Variants in NTM observed in about 807,000 individuals in gnomAD.
The protein encoded by NTM is IgLON family member 2.
In NTM, 13 loss-of-function variants were observed where a neutral mutation model predicts 42.1. The ratio of observed to expected loss-of-function variants is 0.31; its 90% CI spans 0.20 to 0.49. The LOEUF (loss-of-function observed/expected upper bound fraction) is 0.49, where lower values mean the gene tolerates loss of function less well. Among genes scored for constraint, NTM ranks in the 20% least tolerant of loss-of-function variants. The pLI is 0.99. For missense variants in NTM, 373 were observed against 452.8 expected (o/e 0.82, Z 1.60); for synonymous variants, 187 against 179.2 (o/e 1.04, Z -0.35).
intron 1 of NTM, among the ~76,000 whole-genome samples, chr11:131,865,496 TTGATAGC>T (rs1487685482): frequency 2.6e-5 from 4 of 152,218 alleles, no homozygotes; most frequent in African/African-American, 9.6e-5. Context: ...TGCTCTGCAC[TTGATAGC>T]TGGTTTAAAA....
At chr11:131,649,606 G>A (rs2066211211) in intron 1 of NTM, among the ~76,000 whole-genome samples, 1 of 152,146 alleles carries the variant, frequency 6.6e-6, no homozygotes, top group Admixed American at 6.5e-5. Context: ...TAAGGTCAAG[G>A]AGTTAATCGC....
intron 2 of NTM, among the ~76,000 whole-genome samples, chr11:131,945,036 C>T (rs993481006): frequency 1.3e-5 from 2 of 152,164 alleles, no homozygotes; most frequent in Admixed American, 6.5e-5. Context: ...GGTGTGTAGT[C>T]AGATTTCATT....
At position 131,612,824 on chromosome 11, in the gene NTM, A is replaced by G. The variant is rs533338654; in HGVS notation, c.82+241936A>G. On this transcript the variant is annotated intron_variant, in intron 1 of 8. Transcript: ENST00000683400. ...AGCCTCTCTGGCTGAGTCTCTGGGC[A>G]CTGAACAGCAGGAAGCCTGTCCCCA... 3.0e-4 allele frequency among the ~76,000 whole-genome samples: 46 copies of G among 152,314 alleles called. 1 individual carries two copies. The highest frequency in any genetic ancestry group is 1.1e-3 in the African/African-American group (45 of 41,566).
At chr11:132,171,514 G>A (rs1454304637) in intron 3 of NTM, among the ~76,000 whole-genome samples, 1 of 152,062 alleles carries the variant, frequency 6.6e-6, no homozygotes, top group Non-Finnish European at 1.5e-5. Flanking sequence ...ACACTAATCC[G>A]ATTCATCAAA....
intron 1 of NTM, among the ~76,000 whole-genome samples, chr11:131,481,017 G>T (rs1205976549): frequency 2.6e-5 from 4 of 152,176 alleles, no homozygotes; most frequent in Non-Finnish European, 5.9e-5. Context: ...GAGGGTGGTA[G>T]AAGTGTATTT....
chr11:131,977,554 G>T (rs2064592415), intron 2 of NTM, among the ~76,000 whole-genome samples: 1 of 152,194 alleles, frequency 6.6e-6, no homozygotes, highest in African/African-American at 2.4e-5. Flanking sequence ...TTAAGGTCTT[G>T]CCAGCTCATT....
chr11:132,013,891 G>A (rs1176524449), intron 2 of NTM, among the ~76,000 whole-genome samples: 3 of 152,154 alleles, frequency 2.0e-5, no homozygotes, highest in East Asian at 3.9e-4. Flanking sequence ...AGAACATTTC[G>A]AGTGGTATCT....
intron 2 of NTM, among the ~76,000 whole-genome samples, chr11:132,045,550 C>A (rs896764039): frequency 6.6e-6 from 1 of 152,168 alleles, no homozygotes; most frequent in Non-Finnish European, 1.5e-5. Flanking sequence ...TTTTCAGACA[C>A]AATATGAATG....
intron 1 of NTM, among the ~76,000 whole-genome samples, chr11:131,749,431 T>A (rs2082206788): frequency 1.3e-5 from 2 of 152,234 alleles, no homozygotes. Context: ...GAAGAATGCA[T>A]GTCATTATGA....
chr11:131,580,521 C>A (rs984782646), intron 1 of NTM, among the ~76,000 whole-genome samples: 1 of 152,070 alleles, frequency 6.6e-6, no homozygotes, highest in Non-Finnish European at 1.5e-5. Context: ...CACACACTCT[C>A]CAGGATTTAG....
chr11:132,279,181 T>C (rs2093865273), intron 4 of NTM, among the ~76,000 whole-genome samples: 1 of 152,202 alleles, frequency 6.6e-6, no homozygotes, highest in Non-Finnish European at 1.5e-5. Context: ...ATCTTTTCAA[T>C]TAATATCCAA....
At chr11:131,741,701 T>C (rs1031694713) in intron 1 of NTM, among the ~76,000 whole-genome samples, 2 of 152,200 alleles carry the variant, frequency 1.3e-5, no homozygotes, top group Non-Finnish European at 2.9e-5. Context: ...AAGGATGGCC[T>C]ATATTTTTAC....
intron 2 of NTM, among the ~76,000 whole-genome samples, chr11:132,031,385 G>C (rs1372649663): frequency 6.6e-6 from 1 of 152,210 alleles, no homozygotes; most frequent in Admixed American, 6.5e-5. Flanking sequence ...AAGAAGACCA[G>C]TAAGGAGACT....
chr11:132,148,305 A>G (rs1366543392), intron 3 of NTM, among the ~76,000 whole-genome samples: 1 of 152,094 alleles, frequency 6.6e-6, no homozygotes. Flanking sequence ...TTAATGTAAA[A>G]TACATTTTTT....
At chr11:131,604,757 C>T (rs1315179866) in intron 1 of NTM, among the ~76,000 whole-genome samples, 5 of 150,412 alleles carry the variant, frequency 3.3e-5, no homozygotes, top group Non-Finnish European at 7.4e-5. Context: ...AATCCCACTT[C>T]TTTCCTTTGT....
intron 2 of NTM, among the ~76,000 whole-genome samples, chr11:131,946,825 T>G (rs2060398919): frequency 6.6e-6 from 1 of 152,218 alleles, no homozygotes; most frequent in Non-Finnish European, 1.5e-5. Context: ...ATAACATATT[T>G]CACTAGTTCC....
chr11:132,110,152 G>C (rs1190880335), intron 2 of NTM, among the ~76,000 whole-genome samples: 2 of 152,204 alleles, frequency 1.3e-5, no homozygotes, highest in African/African-American at 4.8e-5. Flanking sequence ...TCTGAGTAGT[G>C]CATAGGCTCC....
At position 132,069,980 on chromosome 11, in the gene NTM, C is replaced by T. The variant is rs535480791; in HGVS notation, c.168-76302C>T. ...CAGCCAAGTTAACACGTCAAACTGA[C>T]GATCACAGGTTAGTTAACACGTCAC... is the stretch of plus-strand genomic sequence containing the variant. On this transcript the variant is annotated intron_variant, in intron 2 of 8. Coordinates refer to ENST00000683400, the MANE Select transcript of NTM (RefSeq NM_001352005.2). Among the ~76,000 whole-genome samples, 186 of 139,532 alleles carry T rather than the reference C, an allele frequency of 1.3e-3. 2 individuals are homozygous for T. Among genetic ancestry groups the T allele is most frequent in the African/African-American group, 4.7e-3 (163 of 34,518 alleles). 91.5% of individuals were successfully genotyped at this position (139,532 alleles called of 152,430 possible).
intron 2 of NTM, among the ~76,000 whole-genome samples, chr11:131,949,446 C>T (rs562795789): frequency 5.9e-5 from 9 of 152,362 alleles, no homozygotes; most frequent in Non-Finnish European, 7.3e-5. Context: ...GAACAGCACA[C>T]TGACCTAGAC....
Sources: gnomAD v4.1 joint callset for allele counts (sites outside exome capture counted in the v4.1 genomes callset) on GRCh38, gnomAD v4.1.1 for gene constraint, MANE v1.5 for transcripts, NCBI Gene and HGNC (gene_info 2026-07-23, HGNC 2026-07-21) for gene names.